Variants in CCDC73 observed in about 807,000 individuals in gnomAD.
CCDC73 encodes coiled-coil domain containing 73, also known as coiled-coil domain-containing protein 73.
Under a neutral mutation model 116.5 loss-of-function variants are expected in CCDC73, and 95 were observed. That is an observed-to-expected ratio of 0.82 (90% CI 0.69 to 0.97). The LOEUF (loss-of-function observed/expected upper bound fraction) is 0.97. Among genes scored for constraint, CCDC73 ranks in the 50% least tolerant of loss-of-function variants. The pLI is 0.00. For missense variants in CCDC73, 1,066 were observed against 1,206.8 expected (o/e 0.88, Z 1.73); for synonymous variants, 398 against 401.3 (o/e 0.99, Z 0.10).
the CCDC73 span, among the ~76,000 whole-genome samples, chr11:32,807,472 A>G: frequency 6.6e-6 from 1 of 152,232 alleles, no homozygotes; most frequent in Admixed American, 6.5e-5. Context: ...TAGGTTTTGC[A>G]TGCCATACAT....
chr11:32,784,253 C>G (rs1455318149), intron 1 of CCDC73, among the ~76,000 whole-genome samples: 2 of 151,892 alleles, frequency 1.3e-5, no homozygotes, highest in African/African-American at 2.4e-5. Flanking sequence ...TCGCTTGAAC[C>G]TGGGAGGCAG....
intron 7 of CCDC73, among the ~76,000 whole-genome samples, chr11:32,679,233 C>T (rs1160936382): frequency 6.6e-6 from 1 of 152,126 alleles, no homozygotes; most frequent in African/African-American, 2.4e-5. Context: ...AACCATATTG[C>T]TTTCTTCTAA....
the CCDC73 span, among the ~76,000 whole-genome samples, chr11:32,827,913 T>C: frequency 0.1 from 15,612 of 152,208 alleles, 841 homozygotes; most frequent in Non-Finnish European, 0.13. Context: ...AAATGTTTCC[T>C]ATTCTTGTGT....
At chr11:32,732,033 G>A (rs560537129) in intron 2 of CCDC73, among the ~76,000 whole-genome samples, 12 of 152,106 alleles carry the variant, frequency 7.9e-5, no homozygotes, top group African/African-American at 2.4e-4. Context: ...AAGATTGGAC[G>A]AATGGCTAAC....
At chr11:32,795,359 T>A (rs1451083324), upstream of CCDC73, among the ~76,000 whole-genome samples, 2 of 151,270 alleles carry the variant, frequency 1.3e-5, no homozygotes, top group Non-Finnish European at 2.9e-5. Flanking sequence ...TAATCCCAGC[T>A]ACTTGGGAGG....
chr11:32,679,082 T>C (rs552545970), intron 7 of CCDC73, among the ~76,000 whole-genome samples: 3 of 152,280 alleles, frequency 2.0e-5, no homozygotes, highest in African/African-American at 7.2e-5. Context: ...TGAAAATTTC[T>C]CATGTATGTC....
At chr11:32,716,234 T>C (rs1241057475) in intron 3 of CCDC73, among the ~76,000 whole-genome samples, 1 of 152,198 alleles carries the variant, frequency 6.6e-6, no homozygotes, top group Non-Finnish European at 1.5e-5. Context: ...GGTAGGAATC[T>C]GGCTTTTTCT....
intron 17 of CCDC73, among the ~76,000 whole-genome samples, chr11:32,610,606 T>G (rs1855411742): frequency 1.3e-5 from 2 of 152,322 alleles, no homozygotes; most frequent in South Asian, 4.1e-4. Flanking sequence ...GCTTTCTATA[T>G]GACAAATAGA....
intron 1 of CCDC73, among the ~76,000 whole-genome samples, chr11:32,771,367 G>T (rs565812608): frequency 6.6e-6 from 1 of 152,130 alleles, no homozygotes; most frequent in South Asian, 2.1e-4. Flanking sequence ...TGTACTAGGG[G>T]ACCACTCCCG....
intron 1 of CCDC73, among the ~76,000 whole-genome samples, chr11:32,793,944 A>G (rs189909547): frequency 1.3e-5 from 2 of 152,268 alleles, no homozygotes; most frequent in African/African-American, 4.8e-5. Flanking sequence ...CATTATCAGG[A>G]TTAGCAGGGC....
intron 2 of CCDC73, among the ~76,000 whole-genome samples, chr11:32,745,723 T>TTTTG (rs147851409): frequency 0.41 from 57,913 of 142,452 alleles, 12,484 homozygotes; most frequent in East Asian, 0.76. Flanking sequence ...GTTTTTGTTT[T>TTTTG]TTTGTTTGTT....
At chr11:32,730,156 A>T (rs2133343916) in intron 2 of CCDC73, among the ~76,000 whole-genome samples, 1 of 152,352 alleles carries the variant, frequency 6.6e-6, no homozygotes, top group Admixed American at 6.5e-5. Flanking sequence ...GTCATTTTAC[A>T]GGTTTGACAG....
chr11:32,734,415 A>ATTTTTTTTCTTTTTTTTTT (rs1565088113), intron 2 of CCDC73, among the ~76,000 whole-genome samples: 2 of 136,564 alleles, frequency 1.5e-5, no homozygotes. Flanking sequence ...TCCCTAACTC[A>ATTTTTTTTCTTTTTTTTTT]TTTTTTTTTC....
At chr11:32,742,428 A>T (rs1288127756) in intron 2 of CCDC73, among the ~76,000 whole-genome samples, 1 of 152,154 alleles carries the variant, frequency 6.6e-6, no homozygotes, top group Non-Finnish European at 1.5e-5. Context: ...ATATTTTCAC[A>T]GGTCTCTTGG....
intron 3 of CCDC73, among the ~76,000 whole-genome samples, chr11:32,716,875 T>G (rs1473783965): frequency 6.6e-6 from 1 of 152,240 alleles, no homozygotes; most frequent in East Asian, 1.9e-4. Context: ...TAAATTGGGT[T>G]CATTAAACTT....
chr11:32,672,974 A>C (rs1856053004), intron 9 of CCDC73, among the ~76,000 whole-genome samples: 1 of 152,208 alleles, frequency 6.6e-6, no homozygotes, highest in Admixed American at 6.5e-5. Flanking sequence ...TACATATCAC[A>C]GTCAATAGTA....
At chr11:32,707,887 G>A (rs746022515) in intron 3 of CCDC73, among the ~76,000 whole-genome samples, 3 of 152,034 alleles carry the variant, frequency 2.0e-5, no homozygotes, top group East Asian at 1.9e-4. Flanking sequence ...TATAACTTAC[G>A]TGCTCAATAA....
chr11:32,721,269 C>T (rs988496122), intron 2 of CCDC73, among the ~76,000 whole-genome samples: 7 of 152,146 alleles, frequency 4.6e-5, no homozygotes, highest in African/African-American at 1.4e-4. Flanking sequence ...AGGTGATCTG[C>T]CTGCCTCGGC....
At chr11:32,646,020 TAAAC>T (rs1855776161) in intron 12 of CCDC73, among the ~76,000 whole-genome samples, 1 of 152,184 alleles carries the variant, frequency 6.6e-6, no homozygotes, top group Admixed American at 6.5e-5. Flanking sequence ...TTTTAGAAGA[TAAAC>T]AAATAAAACT....
Sources: allele counts gnomAD v4.1 joint callset (sites outside exome capture counted in the v4.1 genomes callset), GRCh38; gene constraint gnomAD v4.1.1; transcripts MANE v1.5; gene names NCBI Gene and HGNC (gene_info 2026-07-23, HGNC 2026-07-21).